The following LRBA variants were observed in gnomAD, a reference collection of about 807,000 sequenced individuals.
LRBA encodes the protein LPS responsive beige-like anchor protein.
In LRBA, 176 loss-of-function variants were observed where a neutral mutation model predicts 330.0. The ratio of observed to expected loss-of-function variants is 0.53; its 90% CI spans 0.47 to 0.60. The LOEUF is 0.60. Among genes scored for constraint, LRBA ranks in the 20% least tolerant of loss-of-function variants. The probability of loss-of-function intolerance (pLI) is 0.00; values close to 1 mark genes in which losing one functional copy is unlikely to be tolerated. For missense variants in LRBA, 3,259 were observed against 3,444.8 expected (o/e 0.95, Z 1.35); for synonymous variants, 1,230 against 1,193.0 (o/e 1.03, Z -0.64).
At chr4:150,406,040 G>C (rs1746153204) in intron 47 of LRBA, among the ~76,000 whole-genome samples, 1 of 152,140 alleles carries the variant, frequency 6.6e-6, no homozygotes, top group Non-Finnish European at 1.5e-5. Context: ...GGGTGACAGA[G>C]TGAGATTCTG....
chr4:150,467,841 T>C (rs990577093), intron 43 of LRBA, 56 bp from the exon 44 acceptor site: 1 of 774,982 alleles, frequency 1.3e-6, no homozygotes. Flanking sequence ...AATAAACAGA[T>C]TCAGTAATAT....
intron 42 of LRBA, among the ~76,000 whole-genome samples, chr4:150,485,868 C>A (rs758738678): frequency 6.6e-6 from 1 of 151,776 alleles, no homozygotes; most frequent in Non-Finnish European, 1.5e-5. Context: ...TTTTTCTGTC[C>A]ATTTACCTTT....
intron 9 of LRBA, among the ~76,000 whole-genome samples, chr4:150,909,693 G>A (rs1240042625): frequency 6.6e-6 from 1 of 152,076 alleles, no homozygotes; most frequent in Non-Finnish European, 1.5e-5. Context: ...TGAGATTACT[G>A]GATCACATGG....
intron 52 of LRBA, among the ~76,000 whole-genome samples, chr4:150,304,430 A>C (rs1270052653): frequency 1.3e-5 from 2 of 152,200 alleles, no homozygotes; most frequent in Admixed American, 6.5e-5. Context: ...GCAGTCTTGC[A>C]TATAGCCTAC....
chr4:150,450,618 T>C (rs1319705884), intron 44 of LRBA, among the ~76,000 whole-genome samples: 1 of 152,190 alleles, frequency 6.6e-6, no homozygotes, highest in African/African-American at 2.4e-5. Context: ...AAAAACCCTA[T>C]TTATGAATAA....
At chr4:150,723,363 C>T (rs1188424954) in intron 36 of LRBA, among the ~76,000 whole-genome samples, 2 of 152,172 alleles carry the variant, frequency 1.3e-5, no homozygotes, top group Non-Finnish European at 2.9e-5. Flanking sequence ...TGGATACCAG[C>T]TCAGCCACAG....
chr4:150,495,557 C>T (rs1408614180), intron 40 of LRBA, among the ~76,000 whole-genome samples: 1 of 152,106 alleles, frequency 6.6e-6, no homozygotes, highest in Non-Finnish European at 1.5e-5. Flanking sequence ...GAATTACTAG[C>T]TGAAATTTAT....
chr4:150,927,535 T>A lies in LRBA; in HGVS notation c.549+981A>T, dbSNP rs1463212235. The stretch of plus-strand genomic sequence containing the variant: ...AAAGATTAAAAAAAGAGTTAACAGA[T>A]CCCAGTAACCTGTGAGAAAATATCA... On this transcript the variant is annotated intron_variant, in intron 4 of 56. Coordinates refer to ENST00000651943, the MANE Select transcript of LRBA (RefSeq NM_001364905.1). 1.3e-5 allele frequency among the ~76,000 whole-genome samples: 2 copies of A among 151,880 alleles called. 1 individual carries two copies. The highest frequency in any genetic ancestry group is 3.9e-4 in the East Asian group (2 of 5,180).
At chr4:150,328,276 A>T (rs1394749615) in intron 48 of LRBA, among the ~76,000 whole-genome samples, 1 of 152,220 alleles carries the variant, frequency 6.6e-6, no homozygotes, top group Non-Finnish European at 1.5e-5. Flanking sequence ...CCAACGTGAT[A>T]GTGATAACCA....
At chr4:150,662,002 T>A (rs1781161499) in intron 37 of LRBA, among the ~76,000 whole-genome samples, 1 of 152,162 alleles carries the variant, frequency 6.6e-6, no homozygotes, top group Non-Finnish European at 1.5e-5. Context: ...TTAAGCTATA[T>A]CAAAAATTTT....
At position 150,797,886 on chromosome 4, in the gene LRBA, T is replaced by C. The variant is rs60174971; in HGVS notation, c.5580+195A>G. Among the ~76,000 whole-genome samples the C allele has an allele frequency of 0.032, 4,931 of 152,232 alleles. 220 individuals carry two copies. Among genetic ancestry groups the C allele is most frequent in the African/African-American group, 0.11 (4,452 of 41,542 alleles). On this transcript the variant is annotated intron_variant, in intron 34 of 56. Transcript: ENST00000651943. Reference sequence around the variant, plus strand: ...AACTTTTGTTTCTCACTTCCTCTCATGCTTGCTTCAAAATTATCTGCAAGT... The same window carrying C: ...AACTTTTGTTTCTCACTTCCTCTCACGCTTGCTTCAAAATTATCTGCAAGT...
At chr4:150,879,501 TG>T (rs1728133466) in intron 17 of LRBA, among the ~76,000 whole-genome samples, 1 of 152,174 alleles carries the variant, frequency 6.6e-6, no homozygotes, top group East Asian at 1.9e-4. Context: ...AACATAGCAC[TG>T]GAAGTCCTTG....
chr4:150,798,221 C>T (rs1741088797), intron 33 of LRBA, 79 bp from the exon 34 acceptor site: 2 of 924,402 alleles, frequency 2.2e-6, no homozygotes, highest in Non-Finnish European at 3.6e-6. Flanking sequence ...CAAACTGTTT[C>T]TTCAAATTAT....
chr4:150,803,604 C>T, intron 33 of LRBA, among the ~76,000 whole-genome samples: 1 of 152,088 alleles, frequency 6.6e-6, no homozygotes, highest in East Asian at 1.9e-4. Flanking sequence ...GCTTTTTGTA[C>T]AGTATTATGC....
chr4:150,465,267 T>A (rs1755299288), intron 44 of LRBA, among the ~76,000 whole-genome samples: 1 of 152,142 alleles, frequency 6.6e-6, no homozygotes, highest in African/African-American at 2.4e-5. Context: ...TATTACATTG[T>A]ATGTATATAC....
intron 35 of LRBA, among the ~76,000 whole-genome samples, chr4:150,749,632 T>C (rs1733262384): frequency 6.6e-6 from 1 of 152,072 alleles, no homozygotes; most frequent in African/African-American, 2.4e-5. Flanking sequence ...CATGGTGGCA[T>C]GTGCCTGTGG....
chr4:150,570,139 C>T (rs1769649658), intron 40 of LRBA, among the ~76,000 whole-genome samples: 1 of 152,002 alleles, frequency 6.6e-6, no homozygotes, highest in Admixed American at 6.6e-5. Context: ...AACACTAAAG[C>T]ATAATACACT....
rs187303602 is a variant in LRBA at position 150,335,545 on chromosome 4, T to C, written c.7363-9647A>G. Among the ~76,000 whole-genome samples, 330 of 149,330 alleles carry C rather than the reference T, an allele frequency of 2.2e-3. 1 individual carries two copies. The highest frequency in any genetic ancestry group is 7.3e-3 in the African/African-American group (299 of 40,710). ...TTATATATGTGTGTATATATATATATACACACACACATATATGTATATATA... is the reference window on the plus strand; with the variant it reads ...TTATATATGTGTGTATATATATATACACACACACACATATATGTATATATA... On this transcript the variant is annotated intron_variant, in intron 48 of 56. Transcript: ENST00000651943.
intron 18 of LRBA, among the ~76,000 whole-genome samples, chr4:150,872,060 G>A (rs961928544): frequency 2.0e-5 from 3 of 152,040 alleles, no homozygotes; most frequent in African/African-American, 7.3e-5. Context: ...CACTGTCCTT[G>A]TATCATGAAA....
Sources: allele counts gnomAD v4.1 joint callset (sites outside exome capture counted in the v4.1 genomes callset), GRCh38; gene constraint gnomAD v4.1.1; transcripts MANE v1.5; gene names NCBI Gene and HGNC (gene_info 2026-07-23, HGNC 2026-07-21).